Variants in FREM2 observed in about 807,000 individuals in gnomAD.
FREM2 encodes the protein FRAS1 related extracellular matrix 2, also known as FRAS1-related extracellular matrix protein 2.
In FREM2, 119 loss-of-function variants were observed where a neutral mutation model predicts 219.9. The ratio of observed to expected loss-of-function variants is 0.54; its 90% confidence interval spans 0.47 to 0.63. FREM2 has a LOEUF of 0.63. Ranked by LOEUF, FREM2 falls within the 30% of genes least tolerant of loss-of-function variation. The probability of loss-of-function intolerance (pLI) is 0.00; values close to 1 mark genes in which losing one functional copy is unlikely to be tolerated. For missense variants in FREM2, 4,030 were observed against 3,993.6 expected, an observed-to-expected ratio of 1.01 and a Z score of -0.25; for synonymous variants, 1,562 against 1,522.8, an observed-to-expected ratio of 1.03 and a Z score of -0.60.
At chr13:38,821,876 G>T (rs983272695) in intron 6 of FREM2, 4 of 152,140 alleles carry the variant, frequency 2.6e-5, no homozygotes, top group African/African-American at 7.2e-5. Flanking sequence ...ATGCAGTGAC[G>T]GCTTTCAGAA....
chr13:38,697,561 G>A, intron 1 of FREM2, 137 bp from the exon 2 acceptor site: 1 of 667,874 alleles, frequency 1.5e-6, no homozygotes, highest in Non-Finnish European at 2.7e-6. Flanking sequence ...TGAGAAATAA[G>A]ACAGCACTGT....
intron 2 of FREM2, among the ~76,000 whole-genome samples, chr13:38,757,005 C>A (rs1040044249): frequency 2.6e-5 from 4 of 152,056 alleles, no homozygotes; most frequent in Admixed American, 2.6e-4. Flanking sequence ...CCCCTCTGCA[C>A]GTGTCTGAGA....
intron 6 of FREM2, among the ~76,000 whole-genome samples, chr13:38,813,555 CTCTCTCTCTA>C (rs1205520475): frequency 4.9e-4 from 11 of 22,536 alleles, no homozygotes; most frequent in African/African-American, 1.3e-3. Flanking sequence ...CTCTCTCTCT[CTCTCTCTCTA>C]TATATATATA....
rs115407583 is a variant in FREM2 at position 38,848,755 on chromosome 13, A to G, written c.6379+85A>G. 4.8e-4 allele frequency: 582 copies of G among 1,225,234 alleles called. 5 individuals are homozygous for G. In the African/African-American group the frequency reaches 8.1e-3, roughly 17 times the overall value. The allele number at this position is 1,225,234 out of a possible 1,614,324, so 75.9% of individuals were successfully genotyped here. ...TGTATATATGATAAGCAAGATGATTATATATATTTGTTTGTTTGCTAGGGC... is the reference window on the plus strand; with the variant it reads ...TGTATATATGATAAGCAAGATGATTGTATATATTTGTTTGTTTGCTAGGGC... On this transcript the variant is annotated intron_variant, in intron 8 of 23. Coordinates refer to ENST00000280481, the MANE Select transcript of FREM2 (RefSeq NM_207361.6).
intron 21 of FREM2, 95 bp downstream of exon 21, chr13:38,877,338 C>CT (rs1023066268): frequency 5.2e-6 from 7 of 1,356,210 alleles, no homozygotes; most frequent in East Asian, 4.6e-5. Flanking sequence ...CAAATTATAG[C>CT]TTTTTTTATG....
At position 38,687,365 on chromosome 13, in the gene FREM2, C is replaced by T. The variant is rs1256435510; in HGVS notation, c.21C>T (p.Pro7=). The change falls in exon 1 of 24, where the codon CCC becomes CCT. Residue 7 remains proline (P), a synonymous_variant. Coordinates refer to ENST00000280481, the MANE Select transcript of FREM2 (RefSeq NM_207361.6). ...GGACCATGCACTCAGCCGGGACTCC[C>T]GGGTTATCCTCGCGCCGGACAGGCA... MHSAGT[P]GLSSRRTGNS... The T allele has an allele frequency of 6.2e-7, 1 of 1,607,702 alleles. No individual in the cohort carries two copies. Among genetic ancestry groups the T allele is most frequent in the Non-Finnish European group, 8.5e-7 (1 of 1,177,476 alleles).
chr13:38,839,019 C>A (rs1486908918), intron 6 of FREM2, among the ~76,000 whole-genome samples: 1 of 152,098 alleles, frequency 6.6e-6, no homozygotes, highest in African/African-American at 2.4e-5. Flanking sequence ...GAGTTGTGAT[C>A]CTTTGGAGGA....
At position 38,874,605 on chromosome 13, in the gene FREM2, TAAC is replaced by T. The variant is rs544703914; in HGVS notation, c.8281+23_8281+25del. The T allele has an allele frequency of 4.5e-4, 704 of 1,575,530 alleles. 1 individual carries two copies. The African/African-American group carries it at 8.7e-3, about 19-fold the overall frequency. On this transcript the variant is annotated intron_variant, in intron 18 of 23. Transcript: ENST00000280481. Reference sequence around the variant, plus strand: ...CATCCCGGTAAGCCCCGTTATCTTTTAACAACCACTCCTCACACAAAAAGGAGG... The same window carrying T: ...CATCCCGGTAAGCCCCGTTATCTTTTAACCACTCCTCACACAAAAAGGAGG...
chr13:38,768,810 G>A (rs965208418), intron 3 of FREM2, among the ~76,000 whole-genome samples: 4 of 152,116 alleles, frequency 2.6e-5, no homozygotes, highest in African/African-American at 9.7e-5. Context: ...ACCTGGCATG[G>A]TAATAATGGA....
At chr13:38,851,603 C>G (rs1232422125) in intron 10 of FREM2, 83 bp from the exon 11 acceptor site, 19 of 1,088,950 alleles carry the variant, frequency 1.7e-5, no homozygotes, top group Non-Finnish European at 2.2e-5. Flanking sequence ...TATCCCCTCC[C>G]ACATGGAAAC....
In FREM2 at chr13:38,687,331, C is replaced by T. The variant is rs771813936; in HGVS notation, c.-14C>T. The stretch of plus-strand genomic sequence containing the variant: ...GCTCTCAGGCTGACCTGTCCAAGCC[C>T]GAACACCGGGACCATGCACTCAGCC... On this transcript the variant is annotated 5_prime_UTR_variant, in exon 1 of 24. Transcript: ENST00000280481. The T allele has an allele frequency of 8.8e-6, 14 of 1,591,102 alleles. No individual in the cohort carries two copies. In the African/African-American group the frequency reaches 1.9e-4, roughly 21 times the overall value.
chr13:38,703,181 A>C (rs1870408541), intron 2 of FREM2, among the ~76,000 whole-genome samples: 1 of 152,160 alleles, frequency 6.6e-6, no homozygotes, highest in African/African-American at 2.4e-5. Context: ...TTAAGGCAAA[A>C]TAATTACTGA....
chr13:38,693,210 A>G (rs1453244316), intron 1 of FREM2, among the ~76,000 whole-genome samples: 1 of 152,240 alleles, frequency 6.6e-6, no homozygotes, highest in Admixed American at 6.5e-5. Context: ...AAGTATACTT[A>G]AAGATGTGTA....
At chr13:38,738,068 G>C (rs964085461) in intron 2 of FREM2, among the ~76,000 whole-genome samples, 3 of 152,140 alleles carry the variant, frequency 2.0e-5, no homozygotes, top group Non-Finnish European at 4.4e-5. Flanking sequence ...TTGCTGATTA[G>C]GTATGGGAGT....
In FREM2 at chr13:38,880,159, T is replaced by C. The variant is rs992685571; in HGVS notation, c.9007-125T>C. The C allele has an allele frequency of 3.9e-6, 4 of 1,037,298 alleles. No homozygotes were observed. In the African/African-American group the frequency reaches 6.2e-5, roughly 16 times the overall value. The allele number at this position is 1,037,298 out of a possible 1,614,324, so 64.3% of individuals were successfully genotyped here. A position where few individuals can be genotyped will look rare whatever the true frequency, so the allele number is the denominator to read the frequency against. On this transcript the variant is annotated intron_variant, in intron 23 of 23. Transcript: ENST00000280481. Reference sequence around the variant, plus strand: ...CTAGTACTCATTCAAAAATATTAAGTAAGTTAATTCTGCAGACTAAAATCA... The same window carrying C: ...CTAGTACTCATTCAAAAATATTAAGCAAGTTAATTCTGCAGACTAAAATCA...
chr13:38,879,116 T>G (rs911007873), intron 23 of FREM2, 139 bp downstream of exon 23: 3 of 870,006 alleles, frequency 3.4e-6, no homozygotes, highest in Non-Finnish European at 3.8e-6. Flanking sequence ...TTGAATAAGA[T>G]ATGGCAAATA....
intron 2 of FREM2, among the ~76,000 whole-genome samples, chr13:38,761,735 A>T (rs956804381): frequency 3.5e-4 from 53 of 152,300 alleles, no homozygotes; most frequent in African/African-American, 1.2e-3. Context: ...AGGGGGATAG[A>T]GCAGCAATAA....
At chr13:38,758,988 G>A (rs1873126362) in intron 2 of FREM2, among the ~76,000 whole-genome samples, 1 of 152,168 alleles carries the variant, frequency 6.6e-6, no homozygotes, top group African/African-American at 2.4e-5. Flanking sequence ...AGCTGTGATA[G>A]CATCACTGCC....
chr13:38,815,678 T>C (rs893634474), intron 6 of FREM2, among the ~76,000 whole-genome samples: 1 of 152,168 alleles, frequency 6.6e-6, no homozygotes, highest in African/African-American at 2.4e-5. Flanking sequence ...AAAAGCATGG[T>C]GCTAGCACCT....
Sources: gnomAD v4.1 joint callset for allele counts (sites outside exome capture counted in the v4.1 genomes callset) on GRCh38, gnomAD v4.1.1 for gene constraint, MANE v1.5 for transcripts, NCBI Gene and HGNC (gene_info 2026-07-23, HGNC 2026-07-21) for gene names.